The following BCAR3 variants were observed in gnomAD, a reference collection of about 807,000 sequenced individuals.
BCAR3 encodes BCAR3 adaptor protein, NSP family member.
BCAR3 carries 37 observed loss-of-function variants against 80.1 expected under a neutral mutation model. That is an observed-to-expected ratio of 0.46 (90% CI 0.36 to 0.61). BCAR3 has a LOEUF of 0.61. Ranked by LOEUF, BCAR3 falls within the 20% of genes least tolerant of loss-of-function variation. The pLI is 0.00. For missense variants in BCAR3, 978 were observed against 1,068.2 expected (o/e 0.92, Z 1.18); for synonymous variants, 389 against 418.9 (o/e 0.93, Z 0.87).
At chr1:93,659,447 C>T (rs1165671394) in intron 2 of BCAR3, among the ~76,000 whole-genome samples, 1 of 151,972 alleles carries the variant, frequency 6.6e-6, no homozygotes, top group African/African-American at 2.4e-5. Flanking sequence ...CCCTGCTCAG[C>T]CTCCCAAAAT....
intron 9 of BCAR3, among the ~76,000 whole-genome samples, chr1:93,568,559 C>G (rs924083315): frequency 6.6e-6 from 1 of 152,178 alleles, no homozygotes; most frequent in South Asian, 2.1e-4. Flanking sequence ...ATTTTAAATA[C>G]TGATCCTAGA....
At chr1:93,766,439 C>T (rs1001556764) in intron 2 of BCAR3, among the ~76,000 whole-genome samples, 5 of 152,258 alleles carry the variant, frequency 3.3e-5, no homozygotes, top group African/African-American at 1.2e-4. Flanking sequence ...TTCCTCCAGA[C>T]TGAGAAGCAA....
intron 2 of BCAR3, among the ~76,000 whole-genome samples, chr1:93,830,944 C>T (rs1243936163): frequency 1.3e-5 from 2 of 151,446 alleles, no homozygotes; most frequent in South Asian, 2.1e-4. Context: ...TTCAATCTCC[C>T]TTTCTCGCTA....
chr1:93,597,922 G>C (rs917106804), intron 3 of BCAR3, among the ~76,000 whole-genome samples: 2 of 152,212 alleles, frequency 1.3e-5, no homozygotes, highest in African/African-American at 4.8e-5. Flanking sequence ...CTGGCTCCAA[G>C]AAATCATAAA....
At chr1:93,566,813 C>T (rs1041571714) in intron 11 of BCAR3, among the ~76,000 whole-genome samples, 9 of 152,114 alleles carry the variant, frequency 5.9e-5, no homozygotes, top group African/African-American at 1.7e-4. Flanking sequence ...CTGCAACCTC[C>T]GCCTCCCGGG....
chr1:93,744,802 ATG>A (rs776113405), intron 2 of BCAR3, among the ~76,000 whole-genome samples: 7 of 152,206 alleles, frequency 4.6e-5, no homozygotes, highest in Non-Finnish European at 8.8e-5. Flanking sequence ...AATGGGTTTC[ATG>A]TCTTCCCCAC....
At chr1:93,641,203 C>T (rs1055636258) in intron 3 of BCAR3, among the ~76,000 whole-genome samples, 1 of 152,206 alleles carries the variant, frequency 6.6e-6, no homozygotes, top group Non-Finnish European at 1.5e-5. Flanking sequence ...AACCTCACTA[C>T]GACCGCCCCA....
rs775286622 is a variant in BCAR3 at position 93,674,712 on chromosome 1, G to T, written c.219C>A (p.Leu73=). 1 of 1,614,094 alleles carries T rather than the reference G, an allele frequency of 6.2e-7. No homozygotes were observed. Among genetic ancestry groups the T allele is most frequent in the Non-Finnish European group, 8.5e-7 (1 of 1,180,004 alleles). Residue 73 remains leucine (L), a synonymous_variant, in exon 2 of 12, where the codon CTC becomes CTA. Coordinates refer to ENST00000260502, the MANE Select transcript of BCAR3 (RefSeq NM_003567.4). ...TCTGCCGTGGGGATTTGGAGTGGGG[G>T]AGGGTGCCCATGTGACTGAAGTCAT... ...SCDDFSHMGT[L]PHSKSPRQNS... is the part of the protein sequence containing the mutation.
intron 2 of BCAR3, among the ~76,000 whole-genome samples, chr1:93,786,776 T>C (rs1176299756): frequency 6.6e-6 from 1 of 152,120 alleles, no homozygotes; most frequent in Non-Finnish European, 1.5e-5. Flanking sequence ...GCAGGGGAAA[T>C]GGACAATCTG....
intron 2 of BCAR3, among the ~76,000 whole-genome samples, chr1:93,743,791 T>C (rs1051034944): frequency 1.6e-4 from 25 of 152,372 alleles, no homozygotes; most frequent in Non-Finnish European, 2.9e-5. Flanking sequence ...TTATTTAATG[T>C]GTCTCTTTGT....
chr1:93,772,648 A>T (rs1431394747), intron 2 of BCAR3, among the ~76,000 whole-genome samples: 1 of 152,000 alleles, frequency 6.6e-6, no homozygotes, highest in East Asian at 1.9e-4. Context: ...TCTGTCCCCA[A>T]GGCTGGAGTG....
chr1:93,607,524 C>T (rs1053734728), intron 3 of BCAR3, among the ~76,000 whole-genome samples: 1 of 151,976 alleles, frequency 6.6e-6, no homozygotes, highest in African/African-American at 2.4e-5. Flanking sequence ...TGCTGCTGCT[C>T]CTCAAACTCA....
At chr1:93,846,675 T>TACGCATGCTCCCAGCGCTCCC (rs1655203953) in intron 1 of BCAR3, among the ~76,000 whole-genome samples, 1 of 151,750 alleles carries the variant, frequency 6.6e-6, no homozygotes, top group African/African-American at 2.4e-5. Context: ...TGCACCCGCA[T>TACGCATGCTCCCAGCGCTCCC]ACGCATGCTC....
At chr1:93,715,943 G>A (rs1202751324) in intron 2 of BCAR3, among the ~76,000 whole-genome samples, 1 of 152,206 alleles carries the variant, frequency 6.6e-6, no homozygotes, top group African/African-American at 2.4e-5. Context: ...GTGACAGGGA[G>A]CAAGGATGGC....
At chr1:93,598,932 C>T (rs1277435745) in intron 3 of BCAR3, 3 of 152,192 alleles carry the variant, frequency 2.0e-5, no homozygotes, top group Non-Finnish European at 2.9e-5. Context: ...AAGAGCTGGC[C>T]TTGGCTGGAA....
At position 93,585,000 on chromosome 1, in the gene BCAR3, C is replaced by A. The variant is rs72963345; in HGVS notation, c.930-879G>T. On this transcript the variant is annotated intron_variant, in intron 5 of 11. Transcript: ENST00000260502. ...TACAAGCACCAAAGAAAAAACAAAT[C>A]AAAAAACCCCCAAACTCCAAGGAAC... 81 of 985,396 alleles carry A rather than the reference C, an allele frequency of 8.2e-5. No homozygotes were observed. The African/African-American group carries it at 1.2e-3, about 14-fold the overall frequency. The allele number at this position is 985,396 out of a possible 1,614,324, so 61.0% of individuals were successfully genotyped here. A position where few individuals can be genotyped will look rare whatever the true frequency, so the allele number is the denominator to read the frequency against.
intron 2 of BCAR3, among the ~76,000 whole-genome samples, chr1:93,749,346 T>C (rs892708329): frequency 6.6e-6 from 1 of 152,026 alleles, no homozygotes; most frequent in Non-Finnish European, 1.5e-5. Context: ...CCCAGCACTT[T>C]GGGAGGCCGA....
intron 2 of BCAR3, among the ~76,000 whole-genome samples, chr1:93,765,236 G>C (rs1364576547): frequency 2.0e-5 from 3 of 152,162 alleles, no homozygotes; most frequent in African/African-American, 7.2e-5. Flanking sequence ...TACTAGGTGT[G>C]GCTTGAGAAT....
rs1251382973 is a variant in BCAR3 at position 93,592,162 on chromosome 1, G to A, written c.486+103C>T. The A allele has an allele frequency of 2.6e-6, 4 of 1,511,140 alleles. No individual in the cohort carries two copies. In the Admixed American group the frequency reaches 7.9e-5, roughly 30 times the overall value. 93.6% of individuals were successfully genotyped at this position (1,511,140 alleles called of 1,614,324 possible). ...AGAGTATTTGTTTTTGGTTACACAG[G>A]TGCTTCCGCCCATGTGGCCTCGGAG... On this transcript the variant is annotated intron_variant, in intron 4 of 11. Coordinates refer to ENST00000260502, the MANE Select transcript of BCAR3 (RefSeq NM_003567.4). This position sits in a 1 kb window ranked among gnomAD's most constrained non-coding sequence, Gnocchi z 4.8.
Sources: gnomAD v4.1 joint callset for allele counts (sites outside exome capture counted in the v4.1 genomes callset) on GRCh38, gnomAD v4.1.1 for gene constraint, Gnocchi (gnomAD v3.1) non-coding constraint, MANE v1.5 for transcripts, NCBI Gene and HGNC (gene_info 2026-07-23, HGNC 2026-07-21) for gene names.